Variants in DLC1 observed in about 807,000 individuals in gnomAD.
The protein encoded by DLC1 is DLC1 Rho GTPase activating protein.
DLC1 carries 54 observed loss-of-function variants against 140.3 expected under a neutral mutation model. The observed-to-expected ratio is 0.38, with a 90% CI of 0.31 to 0.48. The LOEUF is 0.48. Among genes scored for constraint, DLC1 ranks in the 20% least tolerant of loss-of-function variants. The pLI is 0.96. For missense variants in DLC1, 2,536 were observed against 1,907.0 expected (o/e 1.33, Z -6.14); for synonymous variants, 986 against 728.1 (o/e 1.35, Z -5.70).
chr8:13,509,001 C>A (rs1013844853), intron 1 of DLC1, among the ~76,000 whole-genome samples: 3 of 152,050 alleles, frequency 2.0e-5, no homozygotes, highest in African/African-American at 7.3e-5. Flanking sequence ...CAGGAAATAG[C>A]CTAGGGTTAA....
At position 13,514,591 on chromosome 8, in the gene DLC1, T is replaced by C; in HGVS notation, c.-126+11A>G. 2.5e-6 allele frequency: 1 copy of C among 398,548 alleles called. No individual in the cohort carries two copies. The highest frequency in any genetic ancestry group is 4.4e-6 in the Non-Finnish European group (1 of 226,016). The allele number at this position is 398,548 out of a possible 1,614,324, so 24.7% of individuals were successfully genotyped here. On this transcript the variant is annotated intron_variant, in intron 1 of 17. Coordinates refer to ENST00000276297, the MANE Select transcript of DLC1 (RefSeq NM_182643.3). ...CGCCTCAAAGCATAAAGATAGTCCA[T>C]AGCGTCTTACCTAGACAACGAGGAG... is the stretch of plus-strand genomic sequence containing the variant.
At position 13,499,870 on chromosome 8, in the gene DLC1, A is replaced by G. The variant is rs138468563; in HGVS notation, c.202T>C (p.Ser68Pro). 5.0e-6 allele frequency: 8 copies of G among 1,614,092 alleles called. No homozygotes were observed. Among genetic ancestry groups the G allele is most frequent in the Non-Finnish European group, 5.9e-6 (7 of 1,180,002 alleles). The change falls in exon 2 of 18, where the codon TCA becomes CCA. Residue 68 changes from serine (S) to proline (P), a missense_variant. Physicochemically the swap from Ser to Pro is moderately conservative, Grantham distance 74. Transcript: ENST00000276297. ...CVSLPDCCHG[S>P]ELRDFPGRPM... The stretch of plus-strand genomic sequence containing the variant: ...CTCCCAGGAAAATCTCTCAGCTCTG[A>G]TCCATGACAGCAGTCAGGTAGTGAA...
intron 5 of DLC1, among the ~76,000 whole-genome samples, chr8:13,191,433 G>T (rs147351920): frequency 4.5e-4 from 68 of 152,334 alleles, no homozygotes; most frequent in African/African-American, 1.2e-3. Context: ...CTTGACCTGG[G>T]AGGCTGAGGT....
chr8:13,599,079 C>A (rs1233436696), intron 1 of DLC1, among the ~76,000 whole-genome samples: 22 of 151,674 alleles, frequency 1.5e-4, no homozygotes, highest in Admixed American at 1.3e-3. Context: ...AAGATAAAAT[C>A]TGAAAATTAT....
At chr8:13,348,045 C>T (rs535453133) in intron 4 of DLC1, among the ~76,000 whole-genome samples, 2 of 152,156 alleles carry the variant, frequency 1.3e-5, no homozygotes, top group South Asian at 2.1e-4. Context: ...GCCGAGATCA[C>T]GCCACTGCAC....
At chr8:13,369,375 A>T (rs1835633184) in intron 4 of DLC1, among the ~76,000 whole-genome samples, 2 of 148,068 alleles carry the variant, frequency 1.4e-5, no homozygotes, top group Non-Finnish European at 3.0e-5. Flanking sequence ...AAAAAAAAAG[A>T]TTACAAATGT....
chr8:13,133,446 C>T lies in DLC1; in HGVS notation c.1349-17789G>A, dbSNP rs11988633. On this transcript the variant is annotated intron_variant, in intron 5 of 17. Coordinates refer to ENST00000276297, the MANE Select transcript of DLC1 (RefSeq NM_182643.3). ...CCGCCCCATTCCCAGGCTCCGCCCC[C>T]CGCCCCTCTTCCTCGTGGCCGCAGC... 2,225 of 385,006 alleles carry T rather than the reference C, an allele frequency of 5.8e-3. 68 individuals are homozygous for T. Among genetic ancestry groups the T allele is most frequent in the African/African-American group, 0.047 (2,074 of 44,220 alleles). 23.8% of individuals were successfully genotyped at this position (385,006 alleles called of 1,614,324 possible).
At chr8:13,576,807 G>GTGTGCAAGGATAGAGT (rs1291171613) in intron 1 of DLC1, among the ~76,000 whole-genome samples, 1 of 152,206 alleles carries the variant, frequency 6.6e-6, no homozygotes, top group Non-Finnish European at 1.5e-5. Context: ...TGCAAGGACT[G>GTGTGCAAGGATAGAGT]TGTGCAAGGA....
At chr8:13,545,742 T>G (rs1803630081) in intron 1 of DLC1, among the ~76,000 whole-genome samples, 1 of 152,098 alleles carries the variant, frequency 6.6e-6, no homozygotes, top group Admixed American at 6.6e-5. Context: ...ATAAATGACA[T>G]AGTTGAAAAA....
intron 5 of DLC1, chr8:13,133,277 G>C: frequency 7.6e-7 from 1 of 1,319,158 alleles, no homozygotes; most frequent in South Asian, 1.7e-5. Flanking sequence ...CGCTCGGGCA[G>C]TCGGAGCGAA....
intron 2 of DLC1, among the ~76,000 whole-genome samples, chr8:13,459,036 G>A (rs1799539049): frequency 6.6e-6 from 1 of 152,094 alleles, no homozygotes; most frequent in South Asian, 2.1e-4. Context: ...TCTATTTCTT[G>A]CATCCAGCTA....
chr8:13,202,874 A>G (rs1242759303), intron 5 of DLC1, among the ~76,000 whole-genome samples: 1 of 151,914 alleles, frequency 6.6e-6, no homozygotes, highest in African/African-American at 2.4e-5. Context: ...GGGTCTCACT[A>G]TGTTGCCAAG....
chr8:13,407,898 C>T (rs1837634594), intron 2 of DLC1, among the ~76,000 whole-genome samples: 1 of 152,152 alleles, frequency 6.6e-6, no homozygotes, highest in Admixed American at 6.5e-5. Flanking sequence ...CTCATATTAG[C>T]ATTATATGTT....
chr8:13,096,575 C>A (rs1186522639), intron 10 of DLC1, among the ~76,000 whole-genome samples: 2 of 152,128 alleles, frequency 1.3e-5, no homozygotes, highest in Non-Finnish European at 2.9e-5. Flanking sequence ...GAACACATTA[C>A]GATCCCCACC....
chr8:13,534,047 C>T (rs1039127588), intron 1 of DLC1, among the ~76,000 whole-genome samples: 1 of 152,106 alleles, frequency 6.6e-6, no homozygotes, highest in Admixed American at 6.6e-5. Context: ...ATGCTATGTC[C>T]AAATAATTCT....
At chr8:13,361,361 C>G (rs1201272862) in intron 4 of DLC1, among the ~76,000 whole-genome samples, 8 of 151,986 alleles carry the variant, frequency 5.3e-5, no homozygotes, top group Non-Finnish European at 1.0e-4. Flanking sequence ...CTCAAGCAAT[C>G]CTCCTGACTC....
intron 1 of DLC1, among the ~76,000 whole-genome samples, chr8:13,603,022 A>G (rs1484206884): frequency 1.3e-5 from 2 of 151,920 alleles, no homozygotes; most frequent in Non-Finnish European, 2.9e-5. Context: ...TTTACGTGGC[A>G]ATAACTTAGA....
intron 3 of DLC1, among the ~76,000 whole-genome samples, 194 bp from the exon 4 acceptor site, chr8:13,393,887 G>T (rs1836889332): frequency 1.3e-5 from 2 of 152,146 alleles, no homozygotes; most frequent in Non-Finnish European, 2.9e-5. Context: ...CTCATCAGAG[G>T]GTCTGCAAAT....
chr8:13,088,875 A>C (rs1817797065), intron 15 of DLC1, 171 bp from the exon 16 acceptor site: 2 of 573,396 alleles, frequency 3.5e-6, no homozygotes, highest in Non-Finnish European at 6.0e-6. Context: ...GGGGGCTAAT[A>C]AATCTATGAC....
Sources: gnomAD v4.1 joint callset for allele counts (sites outside exome capture counted in the v4.1 genomes callset) on GRCh38, gnomAD v4.1.1 for gene constraint, MANE v1.5 for transcripts, NCBI Gene and HGNC (gene_info 2026-07-23, HGNC 2026-07-21) for gene names.